Variants in LMCD1 observed in about 807,000 individuals in gnomAD.
LMCD1 encodes the protein LIM and cysteine rich domains 1.
LMCD1 carries 32 observed loss-of-function variants against 42.7 expected under a neutral mutation model. The ratio of observed to expected loss-of-function variants is 0.75; its 90% CI spans 0.57 to 1.01. The LOEUF (loss-of-function observed/expected upper bound fraction) is 1.01. Ranked by LOEUF, LMCD1 falls within the 50% of genes least tolerant of loss-of-function variation. LMCD1 has a pLI of 0.00. For missense variants in LMCD1, 458 were observed against 483.1 expected, an observed-to-expected ratio of 0.95 and a Z score of 0.49; for synonymous variants, 178 against 184.9, an observed-to-expected ratio of 0.96 and a Z score of 0.30.
chr3:8,559,653 C>T (rs1295743986), intron 4 of LMCD1, among the ~76,000 whole-genome samples: 1 of 152,190 alleles, frequency 6.6e-6, no homozygotes, highest in Non-Finnish European at 1.5e-5. Context: ...TGATGAGACC[C>T]AAGTAGGCTG....
At chr3:8,559,467 G>C (rs966669234) in intron 4 of LMCD1, among the ~76,000 whole-genome samples, 1 of 152,160 alleles carries the variant, frequency 6.6e-6, no homozygotes, top group Non-Finnish European at 1.5e-5. Context: ...CATTCAACAG[G>C]TGAAAAAACA....
intron 1 of LMCD1, among the ~76,000 whole-genome samples, chr3:8,512,418 A>G (rs1212836320): frequency 6.6e-6 from 1 of 152,240 alleles, no homozygotes; most frequent in African/African-American, 2.4e-5. Flanking sequence ...GATTTTTGTC[A>G]GTTGTACATG....
intron 3 of LMCD1, 46 bp from the exon 4 acceptor site, chr3:8,548,522 A>G: frequency 7.4e-7 from 1 of 1,357,912 alleles, no homozygotes; most frequent in Non-Finnish European, 1.0e-6. Flanking sequence ...TTGACTGATG[A>G]AGCCCCATCC....
At chr3:8,552,815 C>T (rs59650132) in intron 4 of LMCD1, among the ~76,000 whole-genome samples, 4,336 of 152,206 alleles carry the variant, frequency 0.028, 234 homozygotes, top group African/African-American at 0.099. Context: ...GCTCCGCCTC[C>T]GAGGTTCACG....
chr3:8,529,084 G>A (rs549715938), intron 1 of LMCD1, among the ~76,000 whole-genome samples: 12 of 152,084 alleles, frequency 7.9e-5, no homozygotes, highest in African/African-American at 2.9e-4. Flanking sequence ...ACACTGTGCC[G>A]TCTTTCAAGA....
chr3:8,532,927 G>A, intron 2 of LMCD1, 102 bp downstream of exon 2: 2 of 934,010 alleles, frequency 2.1e-6, no homozygotes, highest in Non-Finnish European at 1.7e-6. Context: ...TTGGTTGTAT[G>A]CGTTGTCAGG....
intron 3 of LMCD1, among the ~76,000 whole-genome samples, chr3:8,541,464 G>A (rs542611599): frequency 1.3e-5 from 2 of 152,152 alleles, no homozygotes; most frequent in Admixed American, 6.5e-5. Flanking sequence ...CTGGATAATC[G>A]CTTGAACCCG....
In LMCD1 at chr3:8,537,315, G is replaced by A. The variant is rs148578971; in HGVS notation, c.262G>A (p.Gly88Arg). 1.3e-3 allele frequency: 2,097 copies of A among 1,614,104 alleles called. 9 individuals carry two copies. Among genetic ancestry groups the A allele is most frequent in the South Asian group, 7.4e-3 (676 of 91,058 alleles). Residue 88 changes from glycine (G) to arginine (R), a missense_variant, in exon 3 of 6, where the codon GGG becomes AGG. Physicochemically the swap from Gly to Arg is moderately radical, Grantham distance 125. Coordinates refer to ENST00000157600, the MANE Select transcript of LMCD1 (RefSeq NM_014583.4). ...CACCCTCACTGCTCGGGTGAAAGGC[G>A]GGGACGGCATCCGGATTTACAAGAG... Reference protein sequence around the residue: ...YSTLTARVKGGDGIRIYKRNR... With the variant: ...YSTLTARVKGRDGIRIYKRNR...
intron 4 of LMCD1, 145 bp from the exon 5 acceptor site, chr3:8,565,287 C>G: frequency 2.9e-6 from 2 of 685,870 alleles, no homozygotes; most frequent in Non-Finnish European, 5.3e-6. Context: ...TGTCGCTTTG[C>G]AGATGACAAA....
chr3:8,505,746 C>T (rs1431951968), intron 1 of LMCD1, among the ~76,000 whole-genome samples: 3 of 152,252 alleles, frequency 2.0e-5, no homozygotes, highest in Non-Finnish European at 4.4e-5. Flanking sequence ...TGCTTCTCTA[C>T]ATCACATCCC....
rs879571608 is a variant in LMCD1 at position 8,574,170 on chromosome 3, C to G, written c.*6572C>G. 1.3e-5 allele frequency: 2 copies of G among 152,312 alleles called. No homozygotes were observed. The highest frequency in any genetic ancestry group is 2.9e-5 in the Non-Finnish European group (2 of 68,130). The allele number at this position is 152,312 out of a possible 1,614,324, so 9.4% of individuals were successfully genotyped here. Reference sequence around the variant, plus strand: ...GTGAGCCCATGAAAAAGGAGCTTCTCTTTCTGGAGCTTCCCAGGGGTAACT... The same window carrying G: ...GTGAGCCCATGAAAAAGGAGCTTCTGTTTCTGGAGCTTCCCAGGGGTAACT... On this transcript the variant is annotated 3_prime_UTR_variant, in exon 6 of 6. Transcript: ENST00000157600.
At chr3:8,516,659 G>A (rs905695653) in intron 1 of LMCD1, among the ~76,000 whole-genome samples, 2 of 152,176 alleles carry the variant, frequency 1.3e-5, no homozygotes, top group African/African-American at 4.8e-5. Context: ...TTGACACCAT[G>A]TTGACCACAA....
At chr3:8,507,617 A>G (rs1482269421) in intron 1 of LMCD1, among the ~76,000 whole-genome samples, 1 of 152,202 alleles carries the variant, frequency 6.6e-6, no homozygotes, top group Non-Finnish European at 1.5e-5. Flanking sequence ...AGACATCTCT[A>G]AGGGTCCGGA....
At chr3:8,532,352 AG>A (rs1694427523) in intron 1 of LMCD1, among the ~76,000 whole-genome samples, 1 of 152,206 alleles carries the variant, frequency 6.6e-6, no homozygotes, top group Non-Finnish European at 1.5e-5. Flanking sequence ...AATGAGGGAG[AG>A]GAGACACTCA....
chr3:8,551,579 T>G (rs1479216951), intron 4 of LMCD1, among the ~76,000 whole-genome samples: 1 of 152,222 alleles, frequency 6.6e-6, no homozygotes, highest in Non-Finnish European at 1.5e-5. Flanking sequence ...AAACCCGGCT[T>G]GTTATTTGTT....
intron 4 of LMCD1, chr3:8,550,529 CTTA>C: frequency 1.0e-6 from 1 of 985,196 alleles, no homozygotes; most frequent in Non-Finnish European, 1.2e-6. Flanking sequence ...CAAGCCCCAT[CTTA>C]TTAGCACCAT....
At chr3:8,539,481 G>A (rs1694577098) in intron 3 of LMCD1, among the ~76,000 whole-genome samples, 1 of 152,174 alleles carries the variant, frequency 6.6e-6, no homozygotes, top group Non-Finnish European at 1.5e-5. Context: ...ATGCCCGGTA[G>A]TTCAGAGCTC....
intron 3 of LMCD1, among the ~76,000 whole-genome samples, chr3:8,547,841 A>G (rs1008777770): frequency 6.6e-6 from 1 of 151,842 alleles, no homozygotes. Flanking sequence ...AGCCGAGATC[A>G]CACCACCGCA....
At chr3:8,529,399 C>G (rs1257527891) in intron 1 of LMCD1, among the ~76,000 whole-genome samples, 1 of 152,232 alleles carries the variant, frequency 6.6e-6, no homozygotes, top group Admixed American at 6.5e-5. Flanking sequence ...GTCCCACTAG[C>G]AGATGGAGAC....
Sources: gnomAD v4.1 joint callset for allele counts (sites outside exome capture counted in the v4.1 genomes callset) on GRCh38, gnomAD v4.1.1 for gene constraint, MANE v1.5 for transcripts, NCBI Gene and HGNC (gene_info 2026-07-23, HGNC 2026-07-21) for gene names.